VPS53: variants seen among roughly 807,000 people sequenced by gnomAD.
The protein encoded by VPS53 is vacuolar protein sorting-associated protein 53 homolog.
A neutral mutation model predicts 107.0 loss-of-function variants in VPS53; 70 were observed. The observed-to-expected ratio is 0.65, with a 90% CI of 0.54 to 0.80. The LOEUF is 0.80. VPS53 is among the 30% of genes least tolerant of loss of function. The probability of loss-of-function intolerance (pLI) is 0.00; values close to 1 mark genes in which losing one functional copy is unlikely to be tolerated. For synonymous variants in VPS53, 409 were observed against 393.3 expected, an observed-to-expected ratio of 1.04 and a Z score of -0.47; for missense variants, 917 against 1,049.4, an observed-to-expected ratio of 0.87 and a Z score of 1.74.
intron 18 of VPS53, among the ~76,000 whole-genome samples, chr17:535,357 T>A (rs1597257473): frequency 6.6e-6 from 1 of 152,058 alleles, no homozygotes; most frequent in Non-Finnish European, 1.5e-5. Context: ...CACTTTAACG[T>A]AAGCTCAATC....
At chr17:584,270 A>G (rs766070209) in intron 13 of VPS53, among the ~76,000 whole-genome samples, 1 of 152,088 alleles carries the variant, frequency 6.6e-6, no homozygotes, top group Non-Finnish European at 1.5e-5. Flanking sequence ...CCTTTCCAAA[A>G]CCTGCCTTCC....
chr17:637,994 C>A (rs907728273), intron 7 of VPS53, among the ~76,000 whole-genome samples: 1 of 152,206 alleles, frequency 6.6e-6, no homozygotes, highest in Non-Finnish European at 1.5e-5. Context: ...TCTCATTGAT[C>A]TGTCTAATGT....
chr17:587,455 A>C (rs1269614976), intron 12 of VPS53, among the ~76,000 whole-genome samples: 1 of 152,196 alleles, frequency 6.6e-6, no homozygotes, highest in African/African-American at 2.4e-5. Flanking sequence ...GTAACCTTAC[A>C]TCAGATAGAT....
intron 4 of VPS53, among the ~76,000 whole-genome samples, chr17:690,410 T>C (rs1972737199): frequency 6.6e-6 from 1 of 152,226 alleles, no homozygotes; most frequent in Admixed American, 6.5e-5. Flanking sequence ...TAGTTAAAAA[T>C]TGTGAGAGTT....
intron 11 of VPS53, among the ~76,000 whole-genome samples, chr17:622,129 T>C (rs1019252457): frequency 2.0e-5 from 3 of 152,008 alleles, no homozygotes; most frequent in South Asian, 2.1e-4. Context: ...GGAGAATTGC[T>C]TGAACCTGGG....
intron 19 of VPS53, among the ~76,000 whole-genome samples, chr17:528,001 G>A (rs1909251852): frequency 1.3e-5 from 2 of 152,058 alleles, no homozygotes; most frequent in Admixed American, 1.3e-4. Flanking sequence ...CCTAACCCAA[G>A]GTCATAAACA....
chr17:636,300 C>T (rs566578141), intron 7 of VPS53, among the ~76,000 whole-genome samples: 4 of 152,304 alleles, frequency 2.6e-5, no homozygotes, highest in Non-Finnish European at 4.4e-5. Context: ...TGCTTATCAG[C>T]TTAAGGAGAT....
In VPS53 at chr17:562,651, T is replaced by C; in HGVS notation, c.1408A>G (p.Ser470Gly). 1 of 1,613,898 alleles carries C rather than the reference T, an allele frequency of 6.2e-7. No homozygotes were observed. Among genetic ancestry groups the C allele is most frequent in the Non-Finnish European group, 8.5e-7 (1 of 1,179,996 alleles). Residue 470 changes from serine (S) to glycine (G), a missense_variant, in exon 14 of 22, where the codon AGC becomes GGC. Physicochemically the swap from Ser to Gly is moderately conservative, Grantham distance 56. Coordinates refer to ENST00000437048, the MANE Select transcript of VPS53 (RefSeq NM_001128159.3). ...NTDEGGAVLP[S>G]CADLFVYYKK... ...TAGTAGACAAAGAGGTCGGCGCAGC[T>C]GGGGAGCACGGCACCCCCTTCATCA...
intron 4 of VPS53, among the ~76,000 whole-genome samples, chr17:668,698 C>T (rs973276246): frequency 3.3e-5 from 5 of 152,108 alleles, no homozygotes; most frequent in African/African-American, 1.2e-4. Context: ...GGGACCATAG[C>T]TACTGTGTTC....
At chr17:671,705 A>ATTTT (rs1971955042) in intron 4 of VPS53, among the ~76,000 whole-genome samples, 1 of 136,064 alleles carries the variant, frequency 7.3e-6, no homozygotes, top group Non-Finnish European at 1.6e-5. Context: ...TTTTCCCATG[A>ATTTT]CTTTTTTTTT....
At chr17:665,160 G>C (rs906236625) in intron 4 of VPS53, among the ~76,000 whole-genome samples, 1 of 152,212 alleles carries the variant, frequency 6.6e-6, no homozygotes, top group Non-Finnish European at 1.5e-5. Context: ...GCATTATCTC[G>C]GGAGTGGGTT....
At chr17:591,236 AT>A (rs1186208723) in intron 12 of VPS53, among the ~76,000 whole-genome samples, 1 of 151,856 alleles carries the variant, frequency 6.6e-6, no homozygotes, top group Non-Finnish European at 1.5e-5. Context: ...CCCCTTTGTC[AT>A]TTTTTATTGC....
At chr17:697,279 C>T (rs1973007050) in intron 4 of VPS53, 139 bp downstream of exon 4, 1 of 755,056 alleles carries the variant, frequency 1.3e-6, no homozygotes, top group Non-Finnish European at 2.3e-6. Context: ...GCTGTGGGCG[C>T]CTGCCCTGTC....
intron 17 of VPS53, chr17:538,524 C>T (rs925311588): frequency 6.6e-6 from 1 of 152,176 alleles, no homozygotes; most frequent in Non-Finnish European, 1.5e-5. Context: ...ACTGAGAGAG[C>T]TTGTTTAAAA....
chr17:634,137 C>A (rs555742631), intron 7 of VPS53, among the ~76,000 whole-genome samples: 3 of 152,128 alleles, frequency 2.0e-5, no homozygotes, highest in African/African-American at 7.2e-5. Flanking sequence ...GCCCCTGGCC[C>A]GAACTATTTG....
rs923318107 is a variant in VPS53, at chr17:656,153, CA to C, written c.373-201del. On this transcript the variant is annotated intron_variant, in intron 5 of 21. Transcript: ENST00000437048. ...ATGTGGCATCTCTTTGGACTTTACT[CA>C]GGGTTATAAAACCTTCAGTTGTGAG... Among the ~76,000 whole-genome samples, 60 of 152,290 alleles carry C rather than the reference CA, an allele frequency of 3.9e-4. No individual in the cohort carries two copies. The Middle Eastern group carries it at 0.014, about 35-fold the overall frequency.
In VPS53 at chr17:643,054, A is replaced by T. The variant is rs371782264; in HGVS notation, c.608+10237T>A. Among the ~76,000 whole-genome samples the T allele has an allele frequency of 1.1e-4, 10 of 92,416 alleles. No homozygotes were observed. The South Asian group carries it at 1.7e-3, about 15-fold the overall frequency. The allele number at this position is 92,416 out of a possible 152,430, so 60.6% of individuals were successfully genotyped here. A position where few individuals can be genotyped will look rare whatever the true frequency, so the allele number is the denominator to read the frequency against. The stretch of plus-strand genomic sequence containing the variant: ...AGGACAACACTCATACTTGGAAATC[A>T]AGGACAACACTCATACTTGGCAACT... On this transcript the variant is annotated intron_variant, in intron 7 of 21. Coordinates refer to ENST00000437048, the MANE Select transcript of VPS53 (RefSeq NM_001128159.3).
intron 12 of VPS53, among the ~76,000 whole-genome samples, chr17:587,909 G>C (rs569077430): frequency 6.6e-6 from 1 of 152,236 alleles, no homozygotes; most frequent in South Asian, 2.1e-4. Flanking sequence ...ACATCTTGAT[G>C]CGTTTGAGGA....
intron 7 of VPS53, among the ~76,000 whole-genome samples, chr17:637,789 T>C (rs1342955006): frequency 1.3e-5 from 2 of 152,210 alleles, no homozygotes; most frequent in African/African-American, 4.8e-5. Flanking sequence ...AGACAGTTCG[T>C]TATAATTTCT....
Sources: gnomAD v4.1 joint callset for allele counts (sites outside exome capture counted in the v4.1 genomes callset) on GRCh38, gnomAD v4.1.1 for gene constraint, MANE v1.5 for transcripts, NCBI Gene and HGNC (gene_info 2026-07-23, HGNC 2026-07-21) for gene names.